The following CADM2 variants were observed in gnomAD, a reference collection of about 807,000 sequenced individuals.
The protein encoded by CADM2 is immunoglobulin superfamily member 4D.
CADM2 carries 12 observed loss-of-function variants against 49.8 expected under a neutral mutation model. The observed-to-expected ratio is 0.24, with a 90% CI of 0.15 to 0.39. The LOEUF is 0.39. Among genes scored for constraint, CADM2 ranks in the 10% least tolerant of loss-of-function variants. The pLI, the probability that CADM2 is intolerant of heterozygous loss-of-function variation, is 1.00. For synonymous variants in CADM2, 214 were observed against 175.4 expected, an observed-to-expected ratio of 1.22 and a Z score of -1.74; for missense variants, 378 against 492.3, an observed-to-expected ratio of 0.77 and a Z score of 2.20.
At chr3:85,288,313 G>A (rs935657826) in intron 1 of CADM2, among the ~76,000 whole-genome samples, 1 of 151,982 alleles carries the variant, frequency 6.6e-6, no homozygotes, top group Non-Finnish European at 1.5e-5. Context: ...ATCTTGCTTT[G>A]TAGGACAATC....
At chr3:85,554,145 C>T (rs780284358) in intron 1 of CADM2, among the ~76,000 whole-genome samples, 3 of 130,160 alleles carry the variant, frequency 2.3e-5, no homozygotes, top group Admixed American at 1.7e-4. Context: ...GGCTGGGGGG[C>T]GGGAGGTGTT....
At chr3:85,575,674 G>T (rs1013476228) in intron 1 of CADM2, among the ~76,000 whole-genome samples, 2 of 152,210 alleles carry the variant, frequency 1.3e-5, no homozygotes, top group African/African-American at 2.4e-5. Flanking sequence ...ATGGCTTAAT[G>T]ATTATATGTG....
At chr3:85,491,886 A>AGCTT (rs2039690281) in intron 1 of CADM2, among the ~76,000 whole-genome samples, 1 of 150,652 alleles carries the variant, frequency 6.6e-6, no homozygotes, top group African/African-American at 2.4e-5. Flanking sequence ...GGGCAGGCGG[A>AGCTT]GCTTGCAGTG....
rs576164922 is a variant in CADM2 at position 85,650,867 on chromosome 3, G to C, written c.62-75655G>C. Among the ~76,000 whole-genome samples, 459 of 148,268 alleles carry C rather than the reference G, an allele frequency of 3.1e-3. 3 individuals carry two copies. The highest frequency in any genetic ancestry group is 5.2e-3 in the Non-Finnish European group (348 of 67,194). On this transcript the variant is annotated intron_variant, in intron 1 of 9. Coordinates refer to ENST00000383699, the MANE Select transcript of CADM2 (RefSeq NM_001167675.2). ...TCAAAAGAAGGATGCCTTCTAAATG[G>C]CCACATTATATACTTCTTTGTAAAC... is the stretch of plus-strand genomic sequence containing the variant.
At chr3:85,953,647 T>G (rs761100692) in intron 7 of CADM2, among the ~76,000 whole-genome samples, 11 of 151,010 alleles carry the variant, frequency 7.3e-5, no homozygotes, top group Non-Finnish European at 1.0e-4. Flanking sequence ...ATATTATGGT[T>G]GATGACATAT....
intron 1 of CADM2, among the ~76,000 whole-genome samples, chr3:85,308,883 A>G (rs922296304): frequency 3.9e-5 from 6 of 152,064 alleles, no homozygotes; most frequent in African/African-American, 1.4e-4. Context: ...CTACAATAAT[A>G]GAAGGATATC....
At chr3:85,835,743 T>A (rs2074382006) in intron 3 of CADM2, among the ~76,000 whole-genome samples, 1 of 138,046 alleles carries the variant, frequency 7.2e-6, no homozygotes, top group Non-Finnish European at 1.6e-5. Flanking sequence ...TATCTTGCTA[T>A]ATGTATATAA....
chr3:85,823,685 T>C (rs1008975196), intron 3 of CADM2, among the ~76,000 whole-genome samples: 3 of 152,138 alleles, frequency 2.0e-5, no homozygotes, highest in African/African-American at 4.8e-5. Context: ...GAGCTATTAA[T>C]TTGCATTGTA....
intron 1 of CADM2, among the ~76,000 whole-genome samples, chr3:85,405,615 C>T (rs1489289470): frequency 2.0e-5 from 3 of 152,014 alleles, no homozygotes; most frequent in African/African-American, 4.8e-5. Flanking sequence ...CAACGTTGAC[C>T]TCACTCAAAA....
At position 85,223,769 on chromosome 3, in the gene CADM2, C is replaced by G. The variant is rs190300934; in HGVS notation, c.61+264101C>G. Among the ~76,000 whole-genome samples the G allele has an allele frequency of 1.6e-3, 242 of 152,198 alleles. 1 individual carries two copies. Among genetic ancestry groups the G allele is most frequent in the African/African-American group, 5.4e-3 (225 of 41,532 alleles). On this transcript the variant is annotated intron_variant, in intron 1 of 9. Coordinates refer to ENST00000383699, the MANE Select transcript of CADM2 (RefSeq NM_001167675.2). ...CTCTCCCTGTGCCCCACTCCCCCAA[C>G]AAGCCCTGCTTTGTGATTTTCTCCT...
At chr3:86,049,442 T>G (rs1737081058) in intron 8 of CADM2, among the ~76,000 whole-genome samples, 1 of 151,556 alleles carries the variant, frequency 6.6e-6, no homozygotes, top group Non-Finnish European at 1.5e-5. Context: ...GCCCGGCTAA[T>G]TTTTTGTATT....
chr3:85,300,587 A>G (rs189497890), intron 1 of CADM2, among the ~76,000 whole-genome samples: 2 of 152,250 alleles, frequency 1.3e-5, no homozygotes, highest in African/African-American at 2.4e-5. Flanking sequence ...TGAACTAATC[A>G]GTGTCGGGGA....
chr3:85,624,255 A>G (rs1428980216), intron 1 of CADM2, among the ~76,000 whole-genome samples: 1 of 152,128 alleles, frequency 6.6e-6, no homozygotes, highest in African/African-American at 2.4e-5. Context: ...TGTTAACATA[A>G]TATCTAGCCA....
intron 1 of CADM2, among the ~76,000 whole-genome samples, chr3:85,658,156 A>C (rs1242811784): frequency 6.6e-6 from 1 of 151,968 alleles, no homozygotes; most frequent in Non-Finnish European, 1.5e-5. Context: ...GCAATCATTC[A>C]AAAGTACAGT....
chr3:85,106,590 G>C (rs983225957), intron 1 of CADM2, among the ~76,000 whole-genome samples: 2 of 152,168 alleles, frequency 1.3e-5, no homozygotes, highest in Non-Finnish European at 2.9e-5. Flanking sequence ...TAAGGCACAA[G>C]CTCCTTCTAT....
At chr3:85,005,526 C>A (rs2033676922) in intron 1 of CADM2, among the ~76,000 whole-genome samples, 1 of 151,862 alleles carries the variant, frequency 6.6e-6, no homozygotes, top group Non-Finnish European at 1.5e-5. Flanking sequence ...AGACAGAGGA[C>A]CAAACTTCAG....
At chr3:85,808,085 C>T (rs1054737525) in intron 3 of CADM2, among the ~76,000 whole-genome samples, 2 of 151,994 alleles carry the variant, frequency 1.3e-5, no homozygotes, top group Non-Finnish European at 2.9e-5. Context: ...TGTGTGCACC[C>T]AAAAATCAGA....
At chr3:85,579,365 C>G (rs1183762368) in intron 1 of CADM2, among the ~76,000 whole-genome samples, 1 of 152,104 alleles carries the variant, frequency 6.6e-6, no homozygotes, top group Non-Finnish European at 1.5e-5. Flanking sequence ...CCCATTTGGT[C>G]TCACAATCAC....
chr3:85,607,105 C>T (rs770643259), intron 1 of CADM2, among the ~76,000 whole-genome samples: 8 of 151,858 alleles, frequency 5.3e-5, no homozygotes, highest in Non-Finnish European at 8.8e-5. Context: ...GCTTGCCCAA[C>T]ATCATAAAAC....
Sources: gnomAD v4.1 joint callset for allele counts (sites outside exome capture counted in the v4.1 genomes callset) on GRCh38, gnomAD v4.1.1 for gene constraint, MANE v1.5 for transcripts, NCBI Gene and HGNC (gene_info 2026-07-23, HGNC 2026-07-21) for gene names.